The following NDST4 variants were observed in gnomAD, a reference collection of about 807,000 sequenced individuals.
The protein encoded by NDST4 is N-deacetylase and N-sulfotransferase 4, also known as N-heparan sulfate sulfotransferase 4.
Under a neutral mutation model 100.8 loss-of-function variants are expected in NDST4, and 63 were observed. The ratio of observed to expected loss-of-function variants is 0.62; its 90% CI spans 0.51 to 0.77. NDST4 has a LOEUF of 0.77. Ranked by LOEUF, NDST4 falls within the 30% of genes least tolerant of loss-of-function variation. The probability of loss-of-function intolerance (pLI) is 0.00; values close to 1 mark genes in which losing one functional copy is unlikely to be tolerated. For synonymous variants in NDST4, 377 were observed against 361.8 expected, an observed-to-expected ratio of 1.04 and a Z score of -0.48; for missense variants, 943 against 1,018.4, an observed-to-expected ratio of 0.93 and a Z score of 1.01.
intron 2 of NDST4, among the ~76,000 whole-genome samples, chr4:115,051,455 T>A (rs2126279007): frequency 6.6e-6 from 1 of 152,206 alleles, no homozygotes; most frequent in East Asian, 1.9e-4. Flanking sequence ...CACCAATCTA[T>A]TCTCTATCTT....
rs149580782 is a variant in NDST4 at position 115,048,441 on chromosome 4, G to T, written c.978+27618C>A. ...TCAGCCTCTTCAAGAGACTCATTTC[G>T]AATAAAACATTTTATGTTTACTAAT... On this transcript the variant is annotated intron_variant, in intron 2 of 13. Coordinates refer to ENST00000264363, the MANE Select transcript of NDST4 (RefSeq NM_022569.3). Among the ~76,000 whole-genome samples the T allele has an allele frequency of 5.5e-3, 833 of 151,950 alleles. 10 individuals carry two copies. Among genetic ancestry groups the T allele is most frequent in the African/African-American group, 0.019 (799 of 41,466 alleles).
chr4:115,111,451 T>G (rs954686803), intron 1 of NDST4, among the ~76,000 whole-genome samples: 2 of 151,680 alleles, frequency 1.3e-5, no homozygotes, highest in Non-Finnish European at 2.9e-5. Context: ...TATTTATATA[T>G]AAAAATAGTC....
At chr4:114,876,760 T>C (rs917504295) in intron 6 of NDST4, among the ~76,000 whole-genome samples, 1 of 152,230 alleles carries the variant, frequency 6.6e-6, no homozygotes, top group Non-Finnish European at 1.5e-5. Context: ...ATTTTGTTTT[T>C]CTAAAAGTGA....
intron 4 of NDST4, among the ~76,000 whole-genome samples, chr4:114,951,633 C>A (rs1206232771): frequency 6.6e-6 from 1 of 152,110 alleles, no homozygotes; most frequent in Non-Finnish European, 1.5e-5. Flanking sequence ...GTAGGAACTA[C>A]TGGCATATTT....
intron 1 of NDST4, among the ~76,000 whole-genome samples, chr4:115,105,412 A>G (rs1729815091): frequency 6.6e-6 from 1 of 152,168 alleles, no homozygotes; most frequent in African/African-American, 2.4e-5. Context: ...GGTACATCTT[A>G]TAAATAATTC....
chr4:114,934,128 G>A (rs1189263008), intron 6 of NDST4, among the ~76,000 whole-genome samples: 1 of 152,096 alleles, frequency 6.6e-6, no homozygotes, highest in African/African-American at 2.4e-5. Flanking sequence ...ATAAAATGTG[G>A]CATATGTATG....
intron 6 of NDST4, among the ~76,000 whole-genome samples, chr4:114,904,817 A>C (rs1297635592): frequency 6.6e-6 from 1 of 151,976 alleles, no homozygotes; most frequent in Non-Finnish European, 1.5e-5. Flanking sequence ...TAATTACTGT[A>C]GGCCACACTT....
chr4:115,104,358 T>C (rs1729795582), intron 1 of NDST4, among the ~76,000 whole-genome samples: 1 of 152,074 alleles, frequency 6.6e-6, no homozygotes, highest in Non-Finnish European at 1.5e-5. Context: ...GTTTCTTGTG[T>C]TTACATTGTG....
At chr4:115,102,583 T>C (rs143390912) in intron 1 of NDST4, among the ~76,000 whole-genome samples, 2 of 152,160 alleles carry the variant, frequency 1.3e-5, no homozygotes, top group Non-Finnish European at 2.9e-5. Flanking sequence ...GCTTCTGAAT[T>C]TAGGTAAGCA....
At position 115,077,091 on chromosome 4, in the gene NDST4, T is replaced by C. The variant is rs1729205138; in HGVS notation, c.-55A>G. 1.4e-6 allele frequency: 2 copies of C among 1,476,946 alleles called. No individual in the cohort carries two copies. Among genetic ancestry groups the C allele is most frequent in the Non-Finnish European group, 1.8e-6 (2 of 1,100,060 alleles). The allele number at this position is 1,476,946 out of a possible 1,614,324, so 91.5% of individuals were successfully genotyped here. ...CCCAATTTCGTTTCCTAAAGTGCCA[T>C]AGTGAATAAAGTATGAGATGTTGCA... On this transcript the variant is annotated 5_prime_UTR_variant, in exon 2 of 14. The change abolishes an upstream ATG in the 5' untranslated region. Transcript: ENST00000264363.
intron 6 of NDST4, among the ~76,000 whole-genome samples, chr4:114,918,879 C>T (rs74432337): frequency 0.044 from 6,645 of 152,276 alleles, 490 homozygotes; most frequent in African/African-American, 0.15. Context: ...TTACCAAAGG[C>T]TGTGCCTCCC....
intron 2 of NDST4, among the ~76,000 whole-genome samples, chr4:114,995,559 C>T (rs1024606184): frequency 2.0e-5 from 3 of 152,026 alleles, no homozygotes; most frequent in Non-Finnish European, 4.4e-5. Context: ...GCCTAATGTA[C>T]TCCATTCAGA....
At chr4:114,998,061 T>C (rs1381855264) in intron 2 of NDST4, among the ~76,000 whole-genome samples, 1 of 152,094 alleles carries the variant, frequency 6.6e-6, no homozygotes, top group African/African-American at 2.4e-5. Flanking sequence ...GCTAATGGAA[T>C]CATTTTGCTT....
Position 115,077,101 on chromosome 4 carries a change from A to C in NDST4, c.-65T>G. On this transcript the variant is annotated 5_prime_UTR_variant, in exon 2 of 14. Transcript: ENST00000264363. ...TTTCCTAAAGTGCCATAGTGAATAA[A>C]GTATGAGATGTTGCAAATATCACTT... is the stretch of plus-strand genomic sequence containing the variant. 7.1e-7 allele frequency: 1 copy of C among 1,414,300 alleles called. No individual in the cohort carries two copies. The highest frequency in any genetic ancestry group is 9.5e-7 in the Non-Finnish European group (1 of 1,054,550). The allele number at this position is 1,414,300 out of a possible 1,614,324, so 87.6% of individuals were successfully genotyped here.
rs1027831178 is a variant in NDST4, at chr4:114,860,291, G to A, written c.1720-7470C>T. Among the ~76,000 whole-genome samples the A allele has an allele frequency of 2.0e-5, 3 of 151,960 alleles. No homozygotes were observed. In the East Asian group the frequency reaches 5.8e-4, roughly 29 times the overall value. On this transcript the variant is annotated intron_variant, in intron 7 of 13. Transcript: ENST00000264363. ...CATATACTCATATGGTGTAGTTTTA[G>A]TTCAACTAACCATATTTTTCACTGT...
At chr4:114,889,824 TA>T (rs1724556406) in intron 6 of NDST4, among the ~76,000 whole-genome samples, 1 of 152,174 alleles carries the variant, frequency 6.6e-6, no homozygotes, top group Admixed American at 6.6e-5. Context: ...GGAATTTTTT[TA>T]TTTTCCCAGA....
rs982404678 is a variant in NDST4 at position 115,031,048 on chromosome 4, C to T, written c.978+45011G>A. Reference sequence around the variant, plus strand: ...TCTAATACTCTTTGATAGCTCATAACTTTTCTGTTCATTGTCATTGTTAGA... The same window carrying T: ...TCTAATACTCTTTGATAGCTCATAATTTTTCTGTTCATTGTCATTGTTAGA... On this transcript the variant is annotated intron_variant, in intron 2 of 13. Coordinates refer to ENST00000264363, the MANE Select transcript of NDST4 (RefSeq NM_022569.3). Among the ~76,000 whole-genome samples the T allele has an allele frequency of 2.0e-5, 3 of 152,104 alleles. No homozygotes were observed. In the South Asian group the frequency reaches 6.2e-4, roughly 31 times the overall value.
At chr4:114,991,971 G>T (rs1727049155) in intron 2 of NDST4, among the ~76,000 whole-genome samples, 1 of 151,712 alleles carries the variant, frequency 6.6e-6, no homozygotes, top group Admixed American at 6.6e-5. Context: ...ATTGTTTCTG[G>T]TTTAAAGTAT....
At chr4:114,931,852 G>A (rs1191402876) in intron 6 of NDST4, among the ~76,000 whole-genome samples, 2 of 151,880 alleles carry the variant, frequency 1.3e-5, no homozygotes, top group African/African-American at 2.4e-5. Context: ...TGTAATTAAA[G>A]GTCTCTTAGC....
Sources: gnomAD v4.1 joint callset for allele counts (sites outside exome capture counted in the v4.1 genomes callset) on GRCh38, gnomAD v4.1.1 for gene constraint, MANE v1.5 for transcripts, NCBI Gene and HGNC (gene_info 2026-07-23, HGNC 2026-07-21) for gene names.